DEK: variants seen among roughly 807,000 people sequenced by gnomAD.
The protein encoded by DEK is protein DEK.
In DEK, 28 loss-of-function variants were observed where a neutral mutation model predicts 46.8. The ratio of observed to expected loss-of-function variants is 0.60; its 90% confidence interval spans 0.44 to 0.82. DEK has a LOEUF of 0.82. Among genes scored for constraint, DEK ranks in the 40% least tolerant of loss-of-function variants. The probability of loss-of-function intolerance (pLI) is 0.00; values close to 1 mark genes in which losing one functional copy is unlikely to be tolerated. For synonymous variants in DEK, 160 were observed against 144.5 expected, an observed-to-expected ratio of 1.11 and a Z score of -0.77; for missense variants, 416 against 430.6, an observed-to-expected ratio of 0.97 and a Z score of 0.30.
intron 9 of DEK, among the ~76,000 whole-genome samples, chr6:18,234,690 T>C (rs933453676): frequency 3.3e-5 from 5 of 152,158 alleles, no homozygotes; most frequent in African/African-American, 1.2e-4. Flanking sequence ...GATTCATCAA[T>C]GGTTCTTAAT....
At chr6:18,247,168 A>T (rs1791155680) in intron 7 of DEK, among the ~76,000 whole-genome samples, 1 of 152,182 alleles carries the variant, frequency 6.6e-6, no homozygotes. Context: ...TCCTGCCAGA[A>T]CTTACCTTTC....
At position 18,244,691 on chromosome 6, in the gene DEK, G is replaced by C. The variant is rs975494645; in HGVS notation, c.762+4960C>G. ...GCTGAGAAAACTCAGAATGCCAAGA[G>C]GAAAGAATGTGCAAGTCTAGTTATA... On this transcript the variant is annotated intron_variant, in intron 7 of 10. Coordinates refer to ENST00000652689, the MANE Select transcript of DEK (RefSeq NM_003472.4). 7 of 549,390 alleles carry C rather than the reference G, an allele frequency of 1.3e-5. No homozygotes were observed. The African/African-American group carries it at 1.4e-4, about 11-fold the overall frequency. The allele number at this position is 549,390 out of a possible 1,614,324, so 34.0% of individuals were successfully genotyped here. A position where few individuals can be genotyped will look rare whatever the true frequency, so the allele number is the denominator to read the frequency against.
chr6:18,225,792 C>T (rs148292160), intron 10 of DEK, 62 bp from the exon 11 acceptor site: 14 of 1,588,704 alleles, frequency 8.8e-6, no homozygotes, highest in East Asian at 2.2e-5. Flanking sequence ...ATTTTTTCCA[C>T]ATCTATTTTA....
In DEK at chr6:18,258,213, CA is replaced by C. The variant is rs1456009243; in HGVS notation, c.247+90del. The C allele has an allele frequency of 5.0e-6, 6 of 1,196,818 alleles. No homozygotes were observed. The African/African-American group carries it at 6.1e-5, about 12-fold the overall frequency. The allele number at this position is 1,196,818 out of a possible 1,614,324, so 74.1% of individuals were successfully genotyped here. On this transcript the variant is annotated intron_variant, in intron 3 of 10. Coordinates refer to ENST00000652689, the MANE Select transcript of DEK (RefSeq NM_003472.4). ...ATAAAATTATACCAAAAGTATAAAA[CA>C]CTACCTTGCTGATACTAAGCTACAA... is the stretch of plus-strand genomic sequence containing the variant.
chr6:18,244,788 G>C (rs907048923), intron 7 of DEK, among the ~76,000 whole-genome samples: 2 of 152,154 alleles, frequency 1.3e-5, no homozygotes, highest in African/African-American at 4.8e-5. Context: ...GCCTTCCAAC[G>C]AAAGGTTTAA....
intron 2 of DEK, among the ~76,000 whole-genome samples, chr6:18,260,310 T>G (rs1227089633): frequency 6.6e-6 from 1 of 152,114 alleles, no homozygotes; most frequent in Non-Finnish European, 1.5e-5. Flanking sequence ...GATGCAACCA[T>G]CCATTTTTAC....
At chr6:18,247,815 G>A (rs574254869) in intron 7 of DEK, among the ~76,000 whole-genome samples, 90 of 151,942 alleles carry the variant, frequency 5.9e-4, no homozygotes, top group African/African-American at 2.1e-3. Context: ...TGGGATTATC[G>A]GCATGCACCA....
intron 9 of DEK, among the ~76,000 whole-genome samples, chr6:18,233,954 T>TA (rs1276683538): frequency 6.6e-6 from 1 of 151,076 alleles, no homozygotes; most frequent in Non-Finnish European, 1.5e-5. Context: ...ACCCAAATGA[T>TA]AGACTGGATT....
intron 7 of DEK, 113 bp from the exon 8 acceptor site, chr6:18,237,629 G>A (rs1214934956): frequency 1.2e-5 from 16 of 1,327,898 alleles, no homozygotes; most frequent in East Asian, 5.2e-5. Flanking sequence ...CAATATATTT[G>A]GTATCAGCAA....
chr6:18,230,170 G>A (rs181666465), intron 9 of DEK, among the ~76,000 whole-genome samples: 6,886 of 151,976 alleles, frequency 0.045, 191 homozygotes, highest in Non-Finnish European at 0.064. Context: ...TTACAGACAA[G>A]CAAATGCTGA....
intron 3 of DEK, 78 bp from the exon 4 acceptor site, chr6:18,258,140 T>C: frequency 4.3e-6 from 5 of 1,164,910 alleles, no homozygotes; most frequent in South Asian, 1.5e-5. Flanking sequence ...TGAGAATTAT[T>C]TTCACAGCAT....
At chr6:18,261,263 G>A (rs897061955) in intron 2 of DEK, among the ~76,000 whole-genome samples, 1 of 152,140 alleles carries the variant, frequency 6.6e-6, no homozygotes, top group Non-Finnish European at 1.5e-5. Context: ...AAGATTTAAA[G>A]ACTGCCCTGC....
chr6:18,258,532 GA>G, intron 2 of DEK, 127 bp from the exon 3 acceptor site: 1 of 605,082 alleles, frequency 1.7e-6, no homozygotes, highest in Non-Finnish European at 2.7e-6. Context: ...CATGGTTTTG[GA>G]AAGCAAATGA....
At position 18,224,733 on chromosome 6, in the gene DEK, G is replaced by A. The variant is rs1790033818; in HGVS notation, c.*986C>T. The A allele has an allele frequency of 4.7e-6, 1 of 214,762 alleles. No homozygotes were observed. 13.3% of individuals were successfully genotyped at this position (214,762 alleles called of 1,614,324 possible). On this transcript the variant is annotated 3_prime_UTR_variant, in exon 11 of 11. Transcript: ENST00000652689. ...AATCGTGAAGCTGGCTAGGTTTCCA[G>A]TAAATATCAGCATTTTATATGGGCA...
intron 1 of DEK, 66 bp from the exon 2 acceptor site, chr6:18,264,062 C>T (rs1388049486): frequency 6.9e-7 from 1 of 1,444,532 alleles, no homozygotes; most frequent in Non-Finnish European, 9.2e-7. Flanking sequence ...CGGGCGGCCA[C>T]CCTGAATGAT....
intron 2 of DEK, among the ~76,000 whole-genome samples, chr6:18,261,774 T>C (rs1791881895): frequency 6.6e-6 from 1 of 152,222 alleles, no homozygotes; most frequent in African/African-American, 2.4e-5. Context: ...GAAACTCATC[T>C]TCAGATGAAA....
In DEK at chr6:18,234,962, AC is replaced by A. The variant is rs542724813; in HGVS notation, c.1047+1489del. Among the ~76,000 whole-genome samples, 153 of 152,204 alleles carry A rather than the reference AC, an allele frequency of 1.0e-3. 1 individual carries two copies. Among genetic ancestry groups the A allele is most frequent in the African/African-American group, 3.4e-3 (142 of 41,526 alleles). ...CTCCAAAACAGGTCAGTTCCTTCTCACCTGACCTCTCCATGTTATTAATCCC... is the reference window on the plus strand; with the variant it reads ...CTCCAAAACAGGTCAGTTCCTTCTCACTGACCTCTCCATGTTATTAATCCC... On this transcript the variant is annotated intron_variant, in intron 9 of 10. Coordinates refer to ENST00000652689, the MANE Select transcript of DEK (RefSeq NM_003472.4).
At chr6:18,226,997 C>T (rs149683218) in intron 9 of DEK, among the ~76,000 whole-genome samples, 193 of 152,318 alleles carry the variant, frequency 1.3e-3, no homozygotes, top group African/African-American at 4.4e-3. Flanking sequence ...GTCATCACCA[C>T]TCCCTAATCT....
chr6:18,242,308 G>A (rs1236545764), intron 7 of DEK, among the ~76,000 whole-genome samples: 3 of 152,198 alleles, frequency 2.0e-5, no homozygotes, highest in African/African-American at 7.2e-5. Flanking sequence ...GTGGCAGTGA[G>A]TATCGATCGT....
Sources: allele counts gnomAD v4.1 joint callset (sites outside exome capture counted in the v4.1 genomes callset), GRCh38; gene constraint gnomAD v4.1.1; transcripts MANE v1.5; gene names NCBI Gene and HGNC (gene_info 2026-07-23, HGNC 2026-07-21).